The following DMKN variants were observed in gnomAD, a reference collection of about 807,000 sequenced individuals.
DMKN encodes dermokine.
A neutral mutation model predicts 67.6 loss-of-function variants in DMKN; 58 were observed. The ratio of observed to expected loss-of-function variants is 0.86; its 90% CI spans 0.69 to 1.07. The LOEUF (loss-of-function observed/expected upper bound fraction) is 1.07. Among genes scored for constraint, DMKN ranks in the 50% least tolerant of loss-of-function variants. The probability of loss-of-function intolerance (pLI) is 0.00; values close to 1 mark genes in which losing one functional copy is unlikely to be tolerated. For missense variants in DMKN, 596 were observed against 601.5 expected (o/e 0.99, Z 0.10); for synonymous variants, 240 against 232.3 (o/e 1.03, Z -0.30).
chr19:35,503,464 G>GTTTT, intron 9 of DMKN: 4 of 1,458,474 alleles, frequency 2.7e-6, no homozygotes, highest in Non-Finnish European at 3.6e-6. Context: ...AAAGAAACAG[G>GTTTT]TTTTTTTTTG....
Position 35,502,861 on chromosome 19 carries a change from C to T in DMKN, c.1160G>A (p.Arg387Gln), listed in dbSNP as rs761959444. The change falls in exon 10 of 16, where the codon CGA (arginine) becomes CAA (glutamine). Residue 387 changes from arginine (R) to glutamine (Q), a missense_variant. Arg to Gln is a conservative substitution (Grantham distance 43, BLOSUM62 1). Coordinates refer to ENST00000339686, the MANE Select transcript of DMKN (RefSeq NM_033317.5). ...GAGTCGGCTGAAGTAGAGGAGGGCT[C>T]GGGTGCTGGGGGGCGGGACCTGGTT... ...NKNQVPPPST[R>Q]ALLYFSRLWE... 38 of 1,613,736 alleles carry T rather than the reference C, an allele frequency of 2.4e-5. No individual in the cohort carries two copies. The highest frequency in any genetic ancestry group is 1.6e-4 in the South Asian group (15 of 91,054).
At chr19:35,504,927 G>A (rs765144848) in intron 9 of DMKN, among the ~76,000 whole-genome samples, 1 of 151,272 alleles carries the variant, frequency 6.6e-6, no homozygotes, top group African/African-American at 2.4e-5. Flanking sequence ...CATGGAAATG[G>A]AACCCAGTGT....
At chr19:35,510,129 A>G (rs2070449459) in intron 6 of DMKN, 55 bp downstream of exon 6, 7 of 1,572,156 alleles carry the variant, frequency 4.5e-6, no homozygotes, top group Non-Finnish European at 6.1e-6. Flanking sequence ...GAGTGAAACC[A>G]GCTGCTCTCC....
In DMKN at chr19:35,499,959, T is replaced by C. The variant is rs2145858360; in HGVS notation, c.1358A>G (p.Lys453Arg). 1.2e-6 allele frequency: 2 copies of C among 1,614,084 alleles called. No individual in the cohort carries two copies. The highest frequency in any genetic ancestry group is 1.7e-6 in the Non-Finnish European group (2 of 1,180,018). ...AGACAGGGTGGTTGCCGGTCTCACC[T>C]TTGCAGGGGTCTTGACTGAGTACTT... is the stretch of plus-strand genomic sequence containing the variant. ...GGKYSVKTPAKGGVSPSSSAS... is the reference protein window; with the variant it reads ...GGKYSVKTPARGGVSPSSSAS... Residue 453 changes from lysine (K) to arginine (R), a missense_variant and splice_region_variant, in exon 13 of 16, where the codon AAG becomes AGG. Physicochemically the swap from Lys to Arg is conservative, Grantham distance 26. Transcript: ENST00000339686.
At chr19:35,507,839 C>G in intron 7 of DMKN, 1 of 439,352 alleles carries the variant, frequency 2.3e-6, no homozygotes, top group Non-Finnish European at 4.1e-6. Flanking sequence ...TCCGAATTCT[C>G]CCCTGGCTTT....
intron 10 of DMKN, 49 bp from the exon 11 acceptor site, chr19:35,502,232 G>C: frequency 6.2e-7 from 1 of 1,602,984 alleles, no homozygotes; most frequent in Non-Finnish European, 8.5e-7. Flanking sequence ...GAACCCACGG[G>C]GTGGTCTATG....
chr19:35,500,356 G>A (rs777291956), intron 12 of DMKN, 177 bp downstream of exon 12: 44 of 1,550,236 alleles, frequency 2.8e-5, no homozygotes, highest in South Asian at 7.1e-5. Context: ...GTAACCCAGC[G>A]GGTCCATGGT....
At position 35,500,523 on chromosome 19, in the gene DMKN, A is replaced by G. The variant is rs1161782909; in HGVS notation, c.1287+10T>C. On this transcript the variant is annotated intron_variant, in intron 12 of 15. Coordinates refer to ENST00000339686, the MANE Select transcript of DMKN (RefSeq NM_033317.5). ...GGGCCCTGCAGGGTAACTTGAGGAC[A>G]GAGACTCACCTGATCGTCTCTGCCT... 3 of 1,609,906 alleles carry G rather than the reference A, an allele frequency of 1.9e-6. No homozygotes were observed. The highest frequency in any genetic ancestry group is 2.2e-5 in the South Asian group (2 of 89,890).
chr19:35,502,457 TG>T, intron 10 of DMKN, among the ~76,000 whole-genome samples: 1 of 151,882 alleles, frequency 6.6e-6, no homozygotes, highest in East Asian at 1.9e-4. Flanking sequence ...CCCAGCATTT[TG>T]GGAGGCCGAG....
At position 35,500,531 on chromosome 19, in the gene DMKN, A is replaced by G; in HGVS notation, c.1287+2T>C. ...CAGGGTAACTTGAGGACAGAGACTC[A>G]CCTGATCGTCTCTGCCTGCACGTTT... On this transcript the variant is annotated splice_donor_variant, in intron 12 of 15. Transcript: ENST00000339686. LOFTEE classifies it high-confidence loss of function. The G allele has an allele frequency of 6.2e-7, 1 of 1,611,090 alleles. No homozygotes were observed. The highest frequency in any genetic ancestry group is 8.5e-7 in the Non-Finnish European group (1 of 1,178,682).
chr19:35,510,861 C>T (rs1486188415), intron 5 of DMKN, among the ~76,000 whole-genome samples: 2 of 152,176 alleles, frequency 1.3e-5, no homozygotes, highest in African/African-American at 2.4e-5. Flanking sequence ...GGAGAGACTG[C>T]CGGCTCTGGA....
intron 11 of DMKN, among the ~76,000 whole-genome samples, chr19:35,500,784 T>C (rs950221279): frequency 1.3e-5 from 2 of 152,220 alleles, no homozygotes; most frequent in Non-Finnish European, 2.9e-5. Flanking sequence ...AGAACCAGGT[T>C]TGGCAACACC....
intron 12 of DMKN, 132 bp downstream of exon 12, chr19:35,500,401 C>G: frequency 6.4e-7 from 1 of 1,551,980 alleles, no homozygotes; most frequent in Middle Eastern, 1.7e-4. Flanking sequence ...GCTGCCACCT[C>G]CTGCCATCCT....
At chr19:35,503,623 A>C (rs1286517998) in intron 9 of DMKN, among the ~76,000 whole-genome samples, 2 of 152,046 alleles carry the variant, frequency 1.3e-5, no homozygotes, top group African/African-American at 4.8e-5. Flanking sequence ...CTACAGGCGC[A>C]CACCACCACG....
chr19:35,507,746 C>G, intron 7 of DMKN: 2 of 526,902 alleles, frequency 3.8e-6, no homozygotes, highest in Non-Finnish European at 6.8e-6. Flanking sequence ...TTACGATGTC[C>G]ATAGATAACA....
At chr19:35,500,064 C>T (rs752301324) in intron 12 of DMKN, 35 bp from the exon 13 acceptor site, 25 of 1,610,976 alleles carry the variant, frequency 1.6e-5, no homozygotes, top group East Asian at 4.5e-5. Flanking sequence ...TTAGAACAGA[C>T]GGACGAAGGC....
intron 15 of DMKN, 124 bp downstream of exon 15, chr19:35,498,592 G>T: frequency 7.4e-7 from 1 of 1,346,914 alleles, no homozygotes; most frequent in Non-Finnish European, 1.0e-6. Flanking sequence ...CGCACCCAGA[G>T]CATACCTGAC....
intron 15 of DMKN, chr19:35,498,038 T>C (rs1363159191): frequency 6.5e-6 from 1 of 152,750 alleles, no homozygotes; most frequent in Non-Finnish European, 1.5e-5. Flanking sequence ...CTCACTGCAG[T>C]TTTGAACTCC....
chr19:35,507,654 G>T, intron 7 of DMKN: 1 of 670,058 alleles, frequency 1.5e-6, no homozygotes, highest in Non-Finnish European at 2.6e-6. Flanking sequence ...CCAGAGGCCT[G>T]AGAAAGAGGT....
Sources: allele counts gnomAD v4.1 joint callset (sites outside exome capture counted in the v4.1 genomes callset), GRCh38; gene constraint gnomAD v4.1.1; transcripts MANE v1.5; gene names NCBI Gene and HGNC (gene_info 2026-07-23, HGNC 2026-07-21).